The following LGR4 variants were observed in gnomAD, a reference collection of about 807,000 sequenced individuals.
LGR4 encodes the protein leucine-rich repeat-containing G protein-coupled receptor 4.
In LGR4, 44 loss-of-function variants were observed where a neutral mutation model predicts 84.8. The observed-to-expected ratio is 0.52, with a 90% CI of 0.41 to 0.67. The LOEUF (loss-of-function observed/expected upper bound fraction) is 0.67. LGR4 is among the 30% of genes least tolerant of loss of function. The probability of loss-of-function intolerance (pLI) is 0.00; values close to 1 mark genes in which losing one functional copy is unlikely to be tolerated. For missense variants in LGR4, 1,032 were observed against 1,131.4 expected (o/e 0.91, Z 1.26); for synonymous variants, 429 against 434.3 (o/e 0.99, Z 0.15).
chr11:27,468,079 A>C (rs1188914576), intron 1 of LGR4, among the ~76,000 whole-genome samples: 1 of 152,210 alleles, frequency 6.6e-6, no homozygotes, highest in Non-Finnish European at 1.5e-5. Context: ...AAATGGTATT[A>C]GTAAAAGAAG....
intron 1 of LGR4, among the ~76,000 whole-genome samples, chr11:27,465,864 G>T (rs1379110363): frequency 6.6e-6 from 1 of 152,148 alleles, no homozygotes; most frequent in Non-Finnish European, 1.5e-5. Flanking sequence ...AAATGTCCTA[G>T]ATTTTTTTCT....
intron 1 of LGR4, among the ~76,000 whole-genome samples, chr11:27,462,807 C>A (rs1251959581): frequency 3.3e-5 from 5 of 151,962 alleles, no homozygotes; most frequent in Non-Finnish European, 5.9e-5. Flanking sequence ...GGTTAAGTGA[C>A]CTGCCCAAGC....
chr11:27,467,924 G>A (rs1864809745), intron 1 of LGR4, among the ~76,000 whole-genome samples: 1 of 152,140 alleles, frequency 6.6e-6, no homozygotes, highest in Non-Finnish European at 1.5e-5. Context: ...CACAAACTAA[G>A]CCAACAATTG....
chr11:27,432,829 T>A (rs188398654), intron 1 of LGR4, among the ~76,000 whole-genome samples: 1 of 152,298 alleles, frequency 6.6e-6, no homozygotes, highest in East Asian at 1.9e-4. Flanking sequence ...CCTCTTCCCT[T>A]AGATCTCCTT....
rs1863302895 is a variant in LGR4, at chr11:27,392,458, T to C, written c.318A>G (p.Glu106=). The part of the protein sequence containing the change: ...IHPKALSGLK[E]LKVLTLQNNQ... ...ATTGCATTACTTACAGAACTTTGAG[T>C]TCTTTCAACCCAGACAAGGCCTTTG... The change falls in exon 3 of 18, where the codon GAA becomes GAG. Residue 106 remains glutamate (E), a synonymous_variant. Transcript: ENST00000379214. The C allele has an allele frequency of 6.3e-7, 1 of 1,590,330 alleles. No individual in the cohort carries two copies. Among genetic ancestry groups the C allele is most frequent in the Non-Finnish European group, 8.5e-7 (1 of 1,172,260 alleles).
chr11:27,403,514 G>T (rs2133388719), intron 2 of LGR4, among the ~76,000 whole-genome samples: 1 of 152,278 alleles, frequency 6.6e-6, no homozygotes, highest in Non-Finnish European at 1.5e-5. Context: ...TACATAAAAT[G>T]TGAATCATCC....
At chr11:27,384,515 T>C in intron 5 of LGR4, 108 bp from the exon 6 acceptor site, 2 of 762,448 alleles carry the variant, frequency 2.6e-6, no homozygotes, top group South Asian at 1.6e-5. Flanking sequence ...TAGCTAAACA[T>C]ATCAACAGCT....
At position 27,369,048 on chromosome 11, in the gene LGR4, C is replaced by A. The variant is rs1369470457; in HGVS notation, c.1675G>T (p.Val559Phe). ...CAAGATGCAAATGTTGTTAAAATAA[C>A]AAGCAGGTTGAAAAATAATGCAACC... ...FLVALFFNLL[V>F]ILTTFASCTS... Residue 559 changes from valine (V) to phenylalanine (F), a missense_variant, in exon 18 of 18, where the codon GTT becomes TTT. Physicochemically the swap from Val to Phe is conservative, Grantham distance 50. Transcript: ENST00000379214. The A allele has an allele frequency of 6.2e-7, 1 of 1,613,744 alleles. No individual in the cohort carries two copies. Among genetic ancestry groups the A allele is most frequent in the East Asian group, 2.2e-5 (1 of 44,882 alleles).
intron 1 of LGR4, among the ~76,000 whole-genome samples, chr11:27,456,385 C>T (rs912550888): frequency 1.3e-5 from 2 of 152,136 alleles, no homozygotes; most frequent in African/African-American, 4.8e-5. Context: ...AATGAAATGC[C>T]TTGGGGGAGA....
At chr11:27,399,008 G>A (rs1347793555) in intron 2 of LGR4, among the ~76,000 whole-genome samples, 1 of 152,064 alleles carries the variant, frequency 6.6e-6, no homozygotes, top group Non-Finnish European at 1.5e-5. Context: ...CCAGGTTCAA[G>A]CGATTTCTCC....
chr11:27,371,708 T>C lies in LGR4; in HGVS notation c.1496-10A>G, dbSNP rs1011076718. On this transcript the variant is annotated splice_polypyrimidine_tract_variant and intron_variant, in intron 16 of 17. Transcript: ENST00000379214. ...GCTGCATCAGCAGTACCTGAACATA[T>C]AACACAAAGCATGTTTAATTAAAAC... is the stretch of plus-strand genomic sequence containing the variant. The C allele has an allele frequency of 1.3e-6, 2 of 1,590,548 alleles. No individual in the cohort carries two copies. Among genetic ancestry groups the C allele is most frequent in the Non-Finnish European group, 1.7e-6 (2 of 1,161,628 alleles).
At chr11:27,417,551 T>C (rs1347248156) in intron 1 of LGR4, among the ~76,000 whole-genome samples, 2 of 152,212 alleles carry the variant, frequency 1.3e-5, no homozygotes, top group African/African-American at 2.4e-5. Context: ...AAAGTTCTAA[T>C]CAAAGTTCAT....
At chr11:27,431,679 T>C (rs953399757) in intron 1 of LGR4, among the ~76,000 whole-genome samples, 4 of 152,210 alleles carry the variant, frequency 2.6e-5, no homozygotes, top group African/African-American at 9.6e-5. Context: ...CCATATTTCT[T>C]GGCACTCAGG....
chr11:27,456,927 C>T (rs576296047), intron 1 of LGR4, among the ~76,000 whole-genome samples: 1 of 152,196 alleles, frequency 6.6e-6, no homozygotes, highest in East Asian at 1.9e-4. Context: ...TTTTTGGGTA[C>T]ACATTTTTTT....
intron 11 of LGR4, among the ~76,000 whole-genome samples, chr11:27,378,338 A>G (rs1205188769): frequency 6.6e-6 from 1 of 152,206 alleles, no homozygotes; most frequent in African/African-American, 2.4e-5. Flanking sequence ...CAGACTGAAT[A>G]AAGAGTTAGG....
chr11:27,385,215 AAC>A, intron 5 of LGR4, 36 bp downstream of exon 5: 1 of 1,378,130 alleles, frequency 7.3e-7, no homozygotes, highest in South Asian at 1.5e-5. Context: ...TACCCCAATT[AAC>A]ACAAATATAT....
At chr11:27,403,959 A>G (rs1358094883) in intron 2 of LGR4, among the ~76,000 whole-genome samples, 1 of 152,194 alleles carries the variant, frequency 6.6e-6, no homozygotes, top group Non-Finnish European at 1.5e-5. Flanking sequence ...GAAAATGATG[A>G]ACAAATTCTA....
intron 1 of LGR4, among the ~76,000 whole-genome samples, chr11:27,419,922 T>TG (rs1315120323): frequency 6.6e-6 from 1 of 151,854 alleles, no homozygotes; most frequent in Non-Finnish European, 1.5e-5. Context: ...TGGCAACAGT[T>TG]GGGGGGTGGA....
chr11:27,401,540 G>T (rs561063366), intron 2 of LGR4, among the ~76,000 whole-genome samples: 1 of 152,160 alleles, frequency 6.6e-6, no homozygotes, highest in South Asian at 2.1e-4. Context: ...TACAGCTAAC[G>T]TCAACCAACA....
Sources: gnomAD v4.1 joint callset for allele counts (sites outside exome capture counted in the v4.1 genomes callset) on GRCh38, gnomAD v4.1.1 for gene constraint, MANE v1.5 for transcripts, NCBI Gene and HGNC (gene_info 2026-07-23, HGNC 2026-07-21) for gene names.